PLXNA4: variants seen among roughly 807,000 people sequenced by gnomAD.
The protein encoded by PLXNA4 is plexin A4.
PLXNA4 carries 44 observed loss-of-function variants against 191.8 expected under a neutral mutation model. That is an observed-to-expected ratio of 0.23 (90% CI 0.18 to 0.29). PLXNA4 has a LOEUF of 0.29. Among genes scored for constraint, PLXNA4 ranks in the 10% least tolerant of loss-of-function variants. PLXNA4 has a pLI of 1.00. For missense variants in PLXNA4, 1,800 were observed against 2,488.8 expected, an observed-to-expected ratio of 0.72 and a Z score of 5.89; for synonymous variants, 1,082 against 1,009.5, an observed-to-expected ratio of 1.07 and a Z score of -1.36.
At chr7:132,408,778 T>C (rs1794332023) in intron 3 of PLXNA4, among the ~76,000 whole-genome samples, 1 of 152,040 alleles carries the variant, frequency 6.6e-6, no homozygotes, top group African/African-American at 2.4e-5. Flanking sequence ...AAACACATTA[T>C]TTATAAAAGG....
intron 3 of PLXNA4, among the ~76,000 whole-genome samples, chr7:132,487,479 T>G (rs1430455620): frequency 6.6e-6 from 1 of 152,198 alleles, no homozygotes; most frequent in Non-Finnish European, 1.5e-5. Context: ...AATTCACTTT[T>G]CCAGCAGACC....
intron 15 of PLXNA4, among the ~76,000 whole-genome samples, chr7:132,186,666 A>G (rs907335455): frequency 3.9e-5 from 6 of 152,198 alleles, no homozygotes; most frequent in African/African-American, 1.4e-4. Flanking sequence ...GACATAGAAA[A>G]ATTATCACAG....
intron 2 of PLXNA4, among the ~76,000 whole-genome samples, chr7:132,503,413 C>T (rs887238153): frequency 6.6e-6 from 1 of 152,160 alleles, no homozygotes; most frequent in Non-Finnish European, 1.5e-5. Context: ...TATAGATAAC[C>T]CTATGCCTGG....
intron 2 of PLXNA4, among the ~76,000 whole-genome samples, chr7:132,494,836 C>CCCAGCAG (rs1797945285): frequency 6.6e-6 from 1 of 152,168 alleles, no homozygotes; most frequent in Non-Finnish European, 1.5e-5. Context: ...AGACGGTTTC[C>CCCAGCAG]TTCCTCCAGC....
chr7:132,379,613 T>G (rs1804806276), intron 3 of PLXNA4, among the ~76,000 whole-genome samples: 1 of 152,218 alleles, frequency 6.6e-6, no homozygotes, highest in South Asian at 2.1e-4. Context: ...GCTTCTACTC[T>G]TTGATTATAA....
chr7:132,296,922 T>G (rs1012974900), intron 4 of PLXNA4, among the ~76,000 whole-genome samples: 1 of 151,988 alleles, frequency 6.6e-6, no homozygotes, highest in Non-Finnish European at 1.5e-5. Context: ...GGCAGCCTCA[T>G]CCAGGGCACA....
At chr7:132,145,390 A>G in intron 28 of PLXNA4, 102 bp from the exon 29 acceptor site, 4 of 1,515,426 alleles carry the variant, frequency 2.6e-6, no homozygotes, top group African/African-American at 1.4e-5. Context: ...GATGGTATAC[A>G]GCCCACCCTA....
intron 3 of PLXNA4, among the ~76,000 whole-genome samples, chr7:132,322,887 A>G (rs1802228858): frequency 6.6e-6 from 1 of 152,190 alleles, no homozygotes; most frequent in Non-Finnish European, 1.5e-5. Flanking sequence ...GTGACTTAAG[A>G]GATCTGTTCA....
At chr7:132,412,667 T>A (rs1487158193) in intron 3 of PLXNA4, among the ~76,000 whole-genome samples, 1 of 152,200 alleles carries the variant, frequency 6.6e-6, no homozygotes, top group Non-Finnish European at 1.5e-5. Flanking sequence ...ATGGATTAAT[T>A]TCTGTTTACA....
At chr7:132,577,144 G>T (rs892884709), upstream of PLXNA4, 1 of 146,466 alleles carries the variant, frequency 6.8e-6, no homozygotes, top group Non-Finnish European at 1.5e-5. Context: ...GCGCTGCGGC[G>T]GCGGAGAGCT....
intron 3 of PLXNA4, among the ~76,000 whole-genome samples, chr7:132,403,800 A>G (rs1794097077): frequency 6.6e-6 from 1 of 152,196 alleles, no homozygotes; most frequent in Non-Finnish European, 1.5e-5. Flanking sequence ...CTTCGGGGAC[A>G]GGACCTGAGG....
chr7:132,316,812 A>G (rs80197342), intron 3 of PLXNA4, among the ~76,000 whole-genome samples: 1,562 of 152,146 alleles, frequency 0.01, 42 homozygotes, highest in African/African-American at 0.036. Context: ...CAAGAAAAGT[A>G]CACAATTTAG....
At chr7:132,640,865 A>T (rs1803730110) in intron 2 of PLXNA4, among the ~76,000 whole-genome samples, 1 of 152,194 alleles carries the variant, frequency 6.6e-6, no homozygotes, top group African/African-American at 2.4e-5. Context: ...CTCTTTTAGA[A>T]TCATTTAGTT....
chr7:132,534,721 T>G (rs1001215230), intron 1 of PLXNA4, among the ~76,000 whole-genome samples: 44 of 152,310 alleles, frequency 2.9e-4, no homozygotes, highest in African/African-American at 1.0e-3. Flanking sequence ...TTAAATCTAT[T>G]TGTACCTCAA....
intron 13 of PLXNA4, 65 bp from the exon 14 acceptor site, chr7:132,194,244 A>G: frequency 6.5e-7 from 1 of 1,548,980 alleles, no homozygotes; most frequent in South Asian, 1.2e-5. Flanking sequence ...TGCACCCCAC[A>G]GCACCTACCC....
intron 2 of PLXNA4, among the ~76,000 whole-genome samples, chr7:132,493,780 TG>T (rs1797900541): frequency 1.3e-5 from 2 of 151,602 alleles, no homozygotes; most frequent in South Asian, 4.2e-4. Flanking sequence ...GATGGATGGA[TG>T]GATGGATGGA....
At chr7:132,435,901 T>G (rs1333950632) in intron 3 of PLXNA4, among the ~76,000 whole-genome samples, 1 of 152,178 alleles carries the variant, frequency 6.6e-6, no homozygotes, top group Non-Finnish European at 1.5e-5. Context: ...AGCCAGTAGG[T>G]ACCAGCAGCT....
chr7:132,136,147 G>A (rs755788704), intron 30 of PLXNA4, among the ~76,000 whole-genome samples: 1 of 152,164 alleles, frequency 6.6e-6, no homozygotes, highest in Non-Finnish European at 1.5e-5. Context: ...CCTTGTGCCT[G>A]ACGCTGACTC....
chr7:132,590,444 T>G lies in PLXNA4; in HGVS notation c.-87+55484A>C, dbSNP rs530728321. On this transcript the variant is annotated intron_variant, in intron 2 of 4. Transcript: ENST00000378539. Reference sequence around the variant, plus strand: ...GTGCCACAATAGGCCATCTGCAAGTTGAGGAGCAAGGAAGCCAGGCTGAGT... The same window carrying G: ...GTGCCACAATAGGCCATCTGCAAGTGGAGGAGCAAGGAAGCCAGGCTGAGT... Among the ~76,000 whole-genome samples the G allele has an allele frequency of 2.6e-5, 4 of 152,218 alleles. No homozygotes were observed. The East Asian group carries it at 7.7e-4, about 29-fold the overall frequency.
Sources: gnomAD v4.1 joint callset for allele counts (sites outside exome capture counted in the v4.1 genomes callset) on GRCh38, gnomAD v4.1.1 for gene constraint, MANE v1.5 for transcripts, NCBI Gene and HGNC (gene_info 2026-07-23, HGNC 2026-07-21) for gene names.